UNC13C: variants seen among roughly 807,000 people sequenced by gnomAD.
UNC13C encodes unc-13 homolog C.
UNC13C carries 174 observed loss-of-function variants against 245.4 expected under a neutral mutation model. The ratio of observed to expected loss-of-function variants is 0.71; its 90% CI spans 0.63 to 0.80. The LOEUF (loss-of-function observed/expected upper bound fraction) is 0.80, where lower values mean the gene tolerates loss of function less well. Ranked by LOEUF, UNC13C falls within the 30% of genes least tolerant of loss-of-function variation. The pLI, the probability that UNC13C is intolerant of heterozygous loss-of-function variation, is 0.00. For synonymous variants in UNC13C, 992 were observed against 895.1 expected (o/e 1.11, Z -1.93); for missense variants, 2,829 against 2,602.9 (o/e 1.09, Z -1.89).
At chr15:53,946,442 CT>C in the UNC13C span, among the ~76,000 whole-genome samples, 11 of 68,988 alleles carry the variant, frequency 1.6e-4, no homozygotes, top group Middle Eastern at 7.2e-3. Context: ...CTGAGGTGTT[CT>C]TTTTTTTGTT....
chr15:54,460,112 C>G (rs951434455), intron 19 of UNC13C, among the ~76,000 whole-genome samples: 12 of 152,312 alleles, frequency 7.9e-5, no homozygotes, highest in Non-Finnish European at 1.5e-4. Context: ...GTGCTCTCCC[C>G]CTAGGAATGG....
intron 19 of UNC13C, among the ~76,000 whole-genome samples, chr15:54,457,035 A>C (rs1891570950): frequency 6.6e-6 from 1 of 152,030 alleles, no homozygotes; most frequent in Non-Finnish European, 1.5e-5. Context: ...GGTTTTTATT[A>C]CCTTAAAATA....
At chr15:53,845,680 A>G in the UNC13C span, among the ~76,000 whole-genome samples, 1 of 152,190 alleles carries the variant, frequency 6.6e-6, no homozygotes, top group Non-Finnish European at 1.5e-5. Context: ...TTTAAGCTTA[A>G]TTTAACTGTC....
Position 54,582,274 on chromosome 15 carries a change from G to A in UNC13C, c.6106+14327G>A, listed in dbSNP as rs1456016745. On this transcript the variant is annotated intron_variant, in intron 30 of 32. Coordinates refer to ENST00000260323, the MANE Select transcript of UNC13C (RefSeq NM_001080534.3). ...AGGAGAAAGGGGAATTAGGTAACTT[G>A]TAGATCTGTGCAACCTACCACTGAC... Among the ~76,000 whole-genome samples, 6 of 152,276 alleles carry A rather than the reference G, an allele frequency of 3.9e-5. No homozygotes were observed. The East Asian group carries it at 9.7e-4, about 25-fold the overall frequency.
intron 4 of UNC13C, among the ~76,000 whole-genome samples, chr15:54,194,965 T>A (rs1595984641): frequency 6.6e-6 from 1 of 152,144 alleles, no homozygotes. Flanking sequence ...CTATTTCCAT[T>A]TAGTTTGTCA....
intron 29 of UNC13C, among the ~76,000 whole-genome samples, chr15:54,562,523 C>G (rs1897335843): frequency 6.6e-6 from 1 of 151,994 alleles, no homozygotes; most frequent in Non-Finnish European, 1.5e-5. Context: ...CACTTAATAG[C>G]AGCCAGTGAC....
chr15:53,881,865 A>G, the UNC13C span, among the ~76,000 whole-genome samples: 2 of 152,208 alleles, frequency 1.3e-5, no homozygotes, highest in Non-Finnish European at 2.9e-5. Flanking sequence ...GCTGTGCATC[A>G]TGCCTATAAC....
intron 4 of UNC13C, among the ~76,000 whole-genome samples, chr15:54,148,789 G>A (rs369357459): frequency 3.3e-5 from 5 of 152,068 alleles, no homozygotes; most frequent in East Asian, 1.9e-4. Flanking sequence ...GGGCTGTTTC[G>A]ACTGCCCTTT....
At chr15:54,581,975 T>C (rs931696687) in intron 30 of UNC13C, among the ~76,000 whole-genome samples, 1 of 151,578 alleles carries the variant, frequency 6.6e-6, no homozygotes, top group African/African-American at 2.4e-5. Context: ...GAGGAGGTCA[T>C]ACAGGTTAGT....
At chr15:54,399,961 A>C (rs1320104648) in intron 18 of UNC13C, among the ~76,000 whole-genome samples, 1 of 152,002 alleles carries the variant, frequency 6.6e-6, no homozygotes, top group Non-Finnish European at 1.5e-5. Flanking sequence ...TTATCCTACT[A>C]TAAAGTACAG....
chr15:54,483,647 C>T (rs1407707763), intron 19 of UNC13C, among the ~76,000 whole-genome samples: 2 of 152,172 alleles, frequency 1.3e-5, no homozygotes, highest in Non-Finnish European at 2.9e-5. Flanking sequence ...AGGTGCGTGC[C>T]ACCATGCCCA....
chr15:54,230,203 A>C (rs1361352424), intron 4 of UNC13C, among the ~76,000 whole-genome samples: 2 of 143,382 alleles, frequency 1.4e-5, no homozygotes, highest in Non-Finnish European at 3.1e-5. Flanking sequence ...TTACATTCCC[A>C]ACAACAATGT....
chr15:54,464,739 T>A (rs1162169116), intron 19 of UNC13C, among the ~76,000 whole-genome samples: 2 of 152,102 alleles, frequency 1.3e-5, no homozygotes, highest in African/African-American at 4.8e-5. Context: ...GATTATCCAG[T>A]AGAAAATGAG....
chr15:53,852,454 G>T, the UNC13C span, among the ~76,000 whole-genome samples: 1 of 151,978 alleles, frequency 6.6e-6, no homozygotes, highest in Non-Finnish European at 1.5e-5. Flanking sequence ...GACATCATGG[G>T]GTTTCTCCCT....
At chr15:54,529,728 G>C (rs546305916) in intron 25 of UNC13C, among the ~76,000 whole-genome samples, 2 of 152,272 alleles carry the variant, frequency 1.3e-5, no homozygotes, top group East Asian at 1.9e-4. Context: ...GTGTGTGGAG[G>C]AGGAGAGGAG....
chr15:54,112,302 T>G (rs1466181115), intron 2 of UNC13C, among the ~76,000 whole-genome samples: 3 of 152,186 alleles, frequency 2.0e-5, no homozygotes, highest in Non-Finnish European at 2.9e-5. Flanking sequence ...CTCTCTTTCC[T>G]GCAGAGAGAG....
At chr15:54,500,254 A>G in intron 21 of UNC13C, 79 bp downstream of exon 21, 1 of 1,032,510 alleles carries the variant, frequency 9.7e-7, no homozygotes, top group Non-Finnish European at 1.4e-6. Context: ...GGGAATTATT[A>G]GACTCATTGT....
chr15:53,850,290 C>T, the UNC13C span, among the ~76,000 whole-genome samples: 1 of 151,990 alleles, frequency 6.6e-6, no homozygotes, highest in Non-Finnish European at 1.5e-5. Context: ...TGGCATGCAC[C>T]TATGGTCCCA....
chr15:54,571,890 T>A (rs919170663), intron 30 of UNC13C, among the ~76,000 whole-genome samples: 1 of 152,232 alleles, frequency 6.6e-6, no homozygotes, highest in African/African-American at 2.4e-5. Context: ...ATTCTACATA[T>A]ACAGCACTCC....
Sources: gnomAD v4.1 joint callset for allele counts (sites outside exome capture counted in the v4.1 genomes callset) on GRCh38, gnomAD v4.1.1 for gene constraint, MANE v1.5 for transcripts, NCBI Gene and HGNC (gene_info 2026-07-23, HGNC 2026-07-21) for gene names.